ANO4: variants seen among roughly 807,000 people sequenced by gnomAD.
The protein encoded by ANO4 is anoctamin 4.
ANO4 carries 69 observed loss-of-function variants against 141.9 expected under a neutral mutation model. The ratio of observed to expected loss-of-function variants is 0.49; its 90% CI spans 0.40 to 0.59. ANO4 has a LOEUF of 0.59. ANO4 is among the 20% of genes least tolerant of loss of function. The pLI, the probability that ANO4 is intolerant of heterozygous loss-of-function variation, is 0.00. For synonymous variants in ANO4, 350 were observed against 394.3 expected, an observed-to-expected ratio of 0.89 and a Z score of 1.33; for missense variants, 894 against 1,162.2, an observed-to-expected ratio of 0.77 and a Z score of 3.36.
intron 1 of ANO4, among the ~76,000 whole-genome samples, chr12:100,724,958 T>C (rs2031042905): frequency 6.6e-6 from 1 of 152,228 alleles, no homozygotes; most frequent in Non-Finnish European, 1.5e-5. Context: ...TTATAAACAA[T>C]TTAGATTGCT....
rs1281854497 is a variant in ANO4 at position 101,098,786 on chromosome 12, T to C, written c.2007-792T>C. Among the ~76,000 whole-genome samples the C allele has an allele frequency of 2.0e-5, 3 of 152,210 alleles. No homozygotes were observed. In the East Asian group the frequency reaches 5.8e-4, roughly 29 times the overall value. Reference sequence around the variant, plus strand: ...ATCAAGAGAATTATATTTTATCTTCTGATAATAAGGACATAGAGCAAAATT... The same window carrying C: ...ATCAAGAGAATTATATTTTATCTTCCGATAATAAGGACATAGAGCAAAATT... On this transcript the variant is annotated intron_variant, in intron 21 of 27. Transcript: ENST00000392977.
At chr12:101,023,186 T>C (rs887753734) in intron 9 of ANO4, among the ~76,000 whole-genome samples, 1 of 152,220 alleles carries the variant, frequency 6.6e-6, no homozygotes, top group African/African-American at 2.4e-5. Flanking sequence ...TTTTAAATTA[T>C]TGTGCCTAAT....
chr12:101,002,871 C>T (rs962617511), intron 8 of ANO4, among the ~76,000 whole-genome samples: 1 of 152,160 alleles, frequency 6.6e-6, no homozygotes, highest in Non-Finnish European at 1.5e-5. Flanking sequence ...ACCATATCCT[C>T]AGCATCCATT....
intron 14 of ANO4, among the ~76,000 whole-genome samples, chr12:101,049,699 C>G (rs2047784393): frequency 6.6e-6 from 1 of 152,014 alleles, no homozygotes; most frequent in South Asian, 2.1e-4. Context: ...AACATAAAAC[C>G]TTGTTCACTT....
At chr12:101,048,852 A>C (rs679788) in intron 14 of ANO4, among the ~76,000 whole-genome samples, 24,592 of 152,090 alleles carry the variant, frequency 0.16, 2,316 homozygotes, top group East Asian at 0.28. Context: ...TTTTTGATAT[A>C]ATTTCAAGCT....
At chr12:100,965,508 T>C (rs1266793172) in intron 5 of ANO4, among the ~76,000 whole-genome samples, 2 of 152,144 alleles carry the variant, frequency 1.3e-5, no homozygotes, top group East Asian at 1.9e-4. Flanking sequence ...GGCTTCCTAT[T>C]GGCCTTGGAA....
chr12:100,881,606 C>T (rs1454457975), intron 1 of ANO4, among the ~76,000 whole-genome samples: 4 of 152,038 alleles, frequency 2.6e-5, no homozygotes, highest in Admixed American at 1.3e-4. Flanking sequence ...ACTCTGCTGC[C>T]GAAATTGTTG....
chr12:101,044,352 T>C (rs1196088590), intron 13 of ANO4, among the ~76,000 whole-genome samples: 1 of 152,260 alleles, frequency 6.6e-6, no homozygotes, highest in African/African-American at 2.4e-5. Context: ...ATTTCTATTA[T>C]GTGTTATTGC....
chr12:100,978,428 A>AT (rs1236749457), intron 7 of ANO4, among the ~76,000 whole-genome samples: 1 of 152,206 alleles, frequency 6.6e-6, no homozygotes, highest in Non-Finnish European at 1.5e-5. Flanking sequence ...GTTTTATGGG[A>AT]TATTAAATGC....
At chr12:100,964,119 A>G (rs967514450) in intron 5 of ANO4, among the ~76,000 whole-genome samples, 1 of 152,140 alleles carries the variant, frequency 6.6e-6, no homozygotes, top group African/African-American at 2.4e-5. Context: ...TGACTGTAAT[A>G]TATAATTAAG....
At chr12:100,769,319 A>T (rs920125955) in intron 3 of ANO4, among the ~76,000 whole-genome samples, 6 of 152,228 alleles carry the variant, frequency 3.9e-5, no homozygotes, top group Admixed American at 1.3e-4. Flanking sequence ...AACTCTTAAT[A>T]AATAATGCAG....
chr12:100,972,378 C>G (rs1226251968), intron 6 of ANO4, among the ~76,000 whole-genome samples: 1 of 152,186 alleles, frequency 6.6e-6, no homozygotes, highest in Non-Finnish European at 1.5e-5. Flanking sequence ...TGTAATGTAT[C>G]TCCCTGGTGC....
chr12:100,997,111 G>A (rs536680460), intron 8 of ANO4, among the ~76,000 whole-genome samples: 5 of 151,984 alleles, frequency 3.3e-5, no homozygotes, highest in African/African-American at 4.8e-5. Flanking sequence ...CGAGGCAGGC[G>A]GATCACGAGG....
intron 3 of ANO4, among the ~76,000 whole-genome samples, chr12:100,929,532 G>T (rs1471020749): frequency 6.6e-6 from 1 of 152,080 alleles, no homozygotes; most frequent in Admixed American, 6.6e-5. Flanking sequence ...GGACACTTAG[G>T]TTCCTTCCAA....
At chr12:101,030,417 C>A (rs961721728) in intron 9 of ANO4, among the ~76,000 whole-genome samples, 1 of 152,090 alleles carries the variant, frequency 6.6e-6, no homozygotes, top group African/African-American at 2.4e-5. Flanking sequence ...TAAAGAAGTT[C>A]TTTGAAACCA....
intron 1 of ANO4, among the ~76,000 whole-genome samples, chr12:100,814,180 T>C (rs2035599125): frequency 6.6e-6 from 1 of 152,174 alleles, no homozygotes; most frequent in South Asian, 2.1e-4. Context: ...TTTCCAGGAA[T>C]TTTTTTGTGG....
At chr12:100,999,896 A>G (rs527398365) in intron 8 of ANO4, among the ~76,000 whole-genome samples, 2 of 151,236 alleles carry the variant, frequency 1.3e-5, no homozygotes, top group South Asian at 4.2e-4. Flanking sequence ...AAAAAAAAAA[A>G]ACTTTAGCCA....
At chr12:100,808,213 C>T (rs1184340270) in intron 1 of ANO4, among the ~76,000 whole-genome samples, 1 of 152,154 alleles carries the variant, frequency 6.6e-6, no homozygotes, top group Non-Finnish European at 1.5e-5. Flanking sequence ...TTCTCCACAA[C>T]CTCACCAGTA....
intron 1 of ANO4, among the ~76,000 whole-genome samples, chr12:100,871,116 C>CT (rs894725285): frequency 3.3e-5 from 5 of 152,126 alleles, no homozygotes; most frequent in African/African-American, 1.2e-4. Flanking sequence ...GCATTCATCA[C>CT]TTTGTGATTA....
Sources: allele counts gnomAD v4.1 joint callset (sites outside exome capture counted in the v4.1 genomes callset), GRCh38; gene constraint gnomAD v4.1.1; transcripts MANE v1.5; gene names NCBI Gene and HGNC (gene_info 2026-07-23, HGNC 2026-07-21).